The following TBC1D22A variants were observed in gnomAD, a reference collection of about 807,000 sequenced individuals.
TBC1D22A encodes the protein putative GTPase activator.
In TBC1D22A, 38 loss-of-function variants were observed where a neutral mutation model predicts 60.2. That is an observed-to-expected ratio of 0.63 (90% confidence interval 0.49 to 0.83). The LOEUF is 0.83. Among genes scored for constraint, TBC1D22A ranks in the 40% least tolerant of loss-of-function variants. The pLI, the probability that TBC1D22A is intolerant of heterozygous loss-of-function variation, is 0.00. For synonymous variants in TBC1D22A, 302 were observed against 281.7 expected (o/e 1.07, Z -0.72); for missense variants, 628 against 701.0 (o/e 0.90, Z 1.18).
At chr22:46,780,111 T>A (rs955756934) in intron 1 of TBC1D22A, among the ~76,000 whole-genome samples, 2 of 152,258 alleles carry the variant, frequency 1.3e-5, no homozygotes, top group Non-Finnish European at 2.9e-5. Flanking sequence ...AGTATCACCA[T>A]GTGTTAGAAT....
At chr22:46,810,098 A>G (rs1165379392) in intron 4 of TBC1D22A, among the ~76,000 whole-genome samples, 1 of 152,178 alleles carries the variant, frequency 6.6e-6, no homozygotes, top group African/African-American at 2.4e-5. Context: ...ACGCATACAG[A>G]AGTGATGTTC....
chr22:46,987,084 C>T (rs571705096), intron 9 of TBC1D22A, among the ~76,000 whole-genome samples: 9 of 152,146 alleles, frequency 5.9e-5, no homozygotes, highest in Non-Finnish European at 8.8e-5. Context: ...TACAAGGCTC[C>T]CAGTGAGACT....
intron 11 of TBC1D22A, among the ~76,000 whole-genome samples, chr22:47,065,974 G>C (rs1303805646): frequency 2.0e-5 from 3 of 152,210 alleles, no homozygotes; most frequent in African/African-American, 7.2e-5. Context: ...TGTAGATCCA[G>C]GAAAAGAGCC....
At chr22:46,789,607 C>T (rs2084320425) in intron 1 of TBC1D22A, 1 of 171,440 alleles carries the variant, frequency 5.8e-6, no homozygotes, top group Non-Finnish European at 1.3e-5. Flanking sequence ...TAAAAGTGAA[C>T]ATTTGGTATA....
chr22:46,805,336 C>T (rs1163396979), intron 4 of TBC1D22A, among the ~76,000 whole-genome samples: 3 of 152,180 alleles, frequency 2.0e-5, no homozygotes, highest in Non-Finnish European at 2.9e-5. Flanking sequence ...TGGGGCCTTC[C>T]GTGAAGATGT....
At chr22:47,128,816 C>A (rs865989736) in intron 12 of TBC1D22A, among the ~76,000 whole-genome samples, 1 of 152,168 alleles carries the variant, frequency 6.6e-6, no homozygotes, top group African/African-American at 2.4e-5. Flanking sequence ...CTGTGTACTG[C>A]GTCCGAGGCA....
intron 4 of TBC1D22A, among the ~76,000 whole-genome samples, chr22:46,865,835 C>T (rs1366282761): frequency 6.6e-6 from 1 of 152,290 alleles, no homozygotes; most frequent in Middle Eastern, 3.4e-3. Context: ...CAAAAAAGAC[C>T]TGTAGATACC....
chr22:46,917,599 G>T (rs2070458217), intron 8 of TBC1D22A, among the ~76,000 whole-genome samples: 1 of 152,204 alleles, frequency 6.6e-6, no homozygotes, highest in African/African-American at 2.4e-5. Flanking sequence ...TTTAGGATGT[G>T]CTGAGTGTGC....
At chr22:46,778,331 A>T (rs7289524) in intron 1 of TBC1D22A, among the ~76,000 whole-genome samples, 1 of 152,150 alleles carries the variant, frequency 6.6e-6, no homozygotes, top group African/African-American at 2.4e-5. Flanking sequence ...TTTGATTTTT[A>T]AAAAACTTTT....
At position 46,796,153 on chromosome 22, in the gene TBC1D22A, G is replaced by C. The variant is rs2084642661; in HGVS notation, c.461-1291G>C. 2.0e-5 allele frequency among the ~76,000 whole-genome samples: 3 copies of C among 152,126 alleles called. No individual in the cohort carries two copies. In the South Asian group the frequency reaches 6.2e-4, roughly 31 times the overall value. On this transcript the variant is annotated intron_variant, in intron 3 of 12. Transcript: ENST00000337137. ...AGGAGATCCTCCTGGGGGTTGGGGG[G>C]AGTCAGGGAGAGTGGGCAGCGGGGA... is the stretch of plus-strand genomic sequence containing the variant.
At chr22:47,092,508 A>T (rs2065017112) in intron 11 of TBC1D22A, among the ~76,000 whole-genome samples, 1 of 152,144 alleles carries the variant, frequency 6.6e-6, no homozygotes, top group African/African-American at 2.4e-5. Flanking sequence ...GGCACCTTGC[A>T]TGCATGCCCT....
At chr22:46,913,552 C>T in intron 8 of TBC1D22A, 1 of 1,210,628 alleles carries the variant, frequency 8.3e-7, no homozygotes, top group Non-Finnish European at 1.1e-6. Flanking sequence ...GGCTCACTCC[C>T]TAATCATCTC....
intron 8 of TBC1D22A, among the ~76,000 whole-genome samples, chr22:46,919,159 C>G (rs568916999): frequency 6.6e-6 from 1 of 152,218 alleles, no homozygotes; most frequent in Non-Finnish European, 1.5e-5. Context: ...CCCCATCCTT[C>G]CCTTTTCTCT....
intron 4 of TBC1D22A, among the ~76,000 whole-genome samples, chr22:46,878,113 A>C (rs1327605482): frequency 5.3e-5 from 8 of 152,014 alleles, no homozygotes; most frequent in East Asian, 1.9e-4. Context: ...CCACATCCTT[A>C]ATTAATGGTG....
Position 47,070,124 on chromosome 22 carries a change from G to A in TBC1D22A, c.1329+32926G>A, listed in dbSNP as rs113815673. Among the ~76,000 whole-genome samples, 4 of 94,652 alleles carry A rather than the reference G, an allele frequency of 4.2e-5. 1 individual carries two copies. Among genetic ancestry groups the A allele is most frequent in the South Asian group, 3.3e-4 (1 of 3,002 alleles). The allele number at this position is 94,652 out of a possible 152,430, so 62.1% of individuals were successfully genotyped here. On this transcript the variant is annotated intron_variant, in intron 11 of 12. Coordinates refer to ENST00000337137, the MANE Select transcript of TBC1D22A (RefSeq NM_014346.5). ...TGGAGCGGAGCTGACTTGATGGTTC[G>A]AGACTGTTCCCTGTTGTTTGGTTGG...
At chr22:46,842,552 A>C (rs1208669063) in intron 4 of TBC1D22A, among the ~76,000 whole-genome samples, 1 of 152,238 alleles carries the variant, frequency 6.6e-6, no homozygotes, top group African/African-American at 2.4e-5. Flanking sequence ...TTGAGTATGC[A>C]TGTCATTAAC....
intron 4 of TBC1D22A, among the ~76,000 whole-genome samples, chr22:46,873,977 TG>T (rs1168980239): frequency 6.6e-6 from 1 of 152,070 alleles, no homozygotes; most frequent in Non-Finnish European, 1.5e-5. Flanking sequence ...TGTTTTGTTT[TG>T]TTTTTGTATT....
intron 4 of TBC1D22A, among the ~76,000 whole-genome samples, chr22:46,836,678 CAA>C (rs2086536583): frequency 2.0e-5 from 3 of 151,790 alleles, no homozygotes; most frequent in Admixed American, 1.3e-4. Context: ...AATCAGAAGA[CAA>C]AGAGTGACTG....
intron 4 of TBC1D22A, among the ~76,000 whole-genome samples, chr22:46,816,455 T>C (rs1207509474): frequency 6.6e-6 from 1 of 152,260 alleles, no homozygotes; most frequent in Non-Finnish European, 1.5e-5. Flanking sequence ...AATGAAGTTA[T>C]TCTTTCCAAT....
Sources: gnomAD v4.1 joint callset for allele counts (sites outside exome capture counted in the v4.1 genomes callset) on GRCh38, gnomAD v4.1.1 for gene constraint, MANE v1.5 for transcripts, NCBI Gene and HGNC (gene_info 2026-07-23, HGNC 2026-07-21) for gene names.